The following NXPE2 variants were observed in gnomAD, a reference collection of about 807,000 sequenced individuals.
The protein encoded by NXPE2 is NXPE family member 2.
NXPE2 carries 34 observed loss-of-function variants against 34.4 expected under a neutral mutation model. The observed-to-expected ratio is 0.99, with a 90% CI of 0.75 to 1.31. The LOEUF (loss-of-function observed/expected upper bound fraction) is 1.31, where lower values mean the gene tolerates loss of function less well. NXPE2 is among the 40% of genes most tolerant of loss of function. NXPE2 has a pLI of 0.00. For missense variants in NXPE2, 649 were observed against 672.5 expected, an observed-to-expected ratio of 0.97 and a Z score of 0.39; for synonymous variants, 235 against 231.3, an observed-to-expected ratio of 1.02 and a Z score of -0.15.
At chr11:114,741,914 C>T in the NXPE2 span, among the ~76,000 whole-genome samples, 1,378 of 152,250 alleles carry the variant, frequency 9.1e-3, 22 homozygotes, top group African/African-American at 0.031. Flanking sequence ...TTCACTTTTG[C>T]AGAAGCAGTC....
the NXPE2 span, among the ~76,000 whole-genome samples, chr11:114,811,300 C>T: frequency 9.3e-5 from 14 of 151,168 alleles, no homozygotes; most frequent in Admixed American, 7.9e-4. Context: ...CAAACCTGCA[C>T]GTTGTGCACA....
the NXPE2 span, chr11:114,581,739 A>C: frequency 6.2e-7 from 1 of 1,612,066 alleles, no homozygotes; most frequent in African/African-American, 1.3e-5. Flanking sequence ...GCATTTGGAG[A>C]CACTAATTGT....
the NXPE2 span, among the ~76,000 whole-genome samples, chr11:114,477,991 A>G: frequency 6.6e-6 from 1 of 152,106 alleles, no homozygotes; most frequent in Non-Finnish European, 1.5e-5. Context: ...TCAGTGTTGC[A>G]TGGAAACTTT....
chr11:114,803,860 G>A, the NXPE2 span, among the ~76,000 whole-genome samples: 1 of 151,956 alleles, frequency 6.6e-6, no homozygotes, highest in East Asian at 1.9e-4. Flanking sequence ...TTACAGGCAT[G>A]AGCCACCATG....
At chr11:114,609,651 G>T in the NXPE2 span, among the ~76,000 whole-genome samples, 1 of 151,494 alleles carries the variant, frequency 6.6e-6, no homozygotes, top group African/African-American at 2.4e-5. Context: ...TGGCCTCGTG[G>T]GTAACGACTA....
At chr11:114,782,711 T>A in the NXPE2 span, among the ~76,000 whole-genome samples, 2 of 152,036 alleles carry the variant, frequency 1.3e-5, no homozygotes, top group Non-Finnish European at 2.9e-5. Context: ...ACAGACAGGG[T>A]CCTAAGGAAG....
At chr11:114,723,649 T>C in the NXPE2 span, among the ~76,000 whole-genome samples, 1 of 152,280 alleles carries the variant, frequency 6.6e-6, no homozygotes, top group South Asian at 2.1e-4. Flanking sequence ...GACAGGTGGA[T>C]TTTCAAATGA....
At chr11:114,601,931 A>ATT in the NXPE2 span, among the ~76,000 whole-genome samples, 1 of 62,662 alleles carries the variant, frequency 1.6e-5, no homozygotes, top group Admixed American at 3.0e-4. Flanking sequence ...TAATATATTT[A>ATT]TATATATTAT....
chr11:114,643,577 C>T, the NXPE2 span, among the ~76,000 whole-genome samples: 13 of 151,916 alleles, frequency 8.6e-5, no homozygotes, highest in East Asian at 3.9e-4. Context: ...AGATGTGTGG[C>T]GTTATTTCTG....
At chr11:114,731,648 T>C in the NXPE2 span, among the ~76,000 whole-genome samples, 1 of 152,222 alleles carries the variant, frequency 6.6e-6, no homozygotes, top group Admixed American at 6.5e-5. Context: ...TATTGTTTAA[T>C]TGATGTAACA....
the NXPE2 span, among the ~76,000 whole-genome samples, chr11:114,491,548 T>A: frequency 1.3e-5 from 2 of 152,154 alleles, no homozygotes; most frequent in African/African-American, 4.8e-5. Context: ...GGAACACTTT[T>A]ACGTTGTTGG....
At chr11:114,788,347 G>T in the NXPE2 span, among the ~76,000 whole-genome samples, 1 of 152,144 alleles carries the variant, frequency 6.6e-6, no homozygotes, top group Non-Finnish European at 1.5e-5. Context: ...ATGGTCAGAG[G>T]AGCCAAGTGG....
At chr11:114,491,781 T>A in the NXPE2 span, among the ~76,000 whole-genome samples, 1 of 152,118 alleles carries the variant, frequency 6.6e-6, no homozygotes, top group Non-Finnish European at 1.5e-5. Context: ...AATGATAGAC[T>A]GGATTAAGAA....
chr11:114,535,049 C>A, the NXPE2 span, among the ~76,000 whole-genome samples: 1 of 152,180 alleles, frequency 6.6e-6, no homozygotes, highest in Non-Finnish European at 1.5e-5. Flanking sequence ...GGGTTACCCA[C>A]AAAGGGAAGC....
chr11:114,475,211 C>T, the NXPE2 span, among the ~76,000 whole-genome samples: 1 of 127,098 alleles, frequency 7.9e-6, no homozygotes, highest in Admixed American at 8.7e-5. Flanking sequence ...TCTGAGAATA[C>T]ATTTAATGTG....
chr11:114,655,912 T>G, the NXPE2 span, among the ~76,000 whole-genome samples: 27 of 152,308 alleles, frequency 1.8e-4, no homozygotes, highest in South Asian at 5.0e-3. Context: ...TACATAGTTT[T>G]GGAACTTCTG....
chr11:114,560,339 T>C, the NXPE2 span, among the ~76,000 whole-genome samples: 4 of 149,408 alleles, frequency 2.7e-5, no homozygotes, highest in African/African-American at 9.8e-5. Context: ...GGCGTGATCA[T>C]AGCTCACTGC....
chr11:114,486,586 G>A, the NXPE2 span, among the ~76,000 whole-genome samples: 7 of 152,076 alleles, frequency 4.6e-5, no homozygotes, highest in East Asian at 3.9e-4. Context: ...CCAGTGTCCT[G>A]GAGAGTTTCC....
the NXPE2 span, among the ~76,000 whole-genome samples, chr11:114,618,727 G>A: frequency 6.6e-6 from 1 of 152,068 alleles, no homozygotes; most frequent in Non-Finnish European, 1.5e-5. Context: ...TTCTTACCCT[G>A]TGGAAAATAA....
Sources: gnomAD v4.1 joint callset for allele counts (sites outside exome capture counted in the v4.1 genomes callset) on GRCh38, gnomAD v4.1.1 for gene constraint, MANE v1.5 for transcripts, NCBI Gene and HGNC (gene_info 2026-07-23, HGNC 2026-07-21) for gene names.